Variants in MAP4K4 observed in about 807,000 individuals in gnomAD.
MAP4K4 encodes the protein HPK/GCK-like kinase HGK.
Under a neutral mutation model 189.6 loss-of-function variants are expected in MAP4K4, and 38 were observed. That is an observed-to-expected ratio of 0.20 (90% confidence interval 0.15 to 0.26). MAP4K4 has a LOEUF of 0.26. Ranked by LOEUF, MAP4K4 falls within the 10% of genes least tolerant of loss-of-function variation. MAP4K4 has a pLI of 1.00. For synonymous variants in MAP4K4, 610 were observed against 624.3 expected, an observed-to-expected ratio of 0.98 and a Z score of 0.34; for missense variants, 1,054 against 1,726.9, an observed-to-expected ratio of 0.61 and a Z score of 6.91.
intron 21 of MAP4K4, among the ~76,000 whole-genome samples, chr2:101,868,506 C>T (rs1482064659): frequency 6.6e-6 from 1 of 152,208 alleles, no homozygotes; most frequent in African/African-American, 2.4e-5. Context: ...AAATAGTAAT[C>T]ACTCTTGAAA....
At chr2:101,753,988 T>G (rs2070755160) in intron 2 of MAP4K4, among the ~76,000 whole-genome samples, 1 of 152,122 alleles carries the variant, frequency 6.6e-6, no homozygotes. Context: ...AGTGGCTATT[T>G]CCAGTTAAAG....
chr2:101,887,161 T>C, exon 30 of MAP4K4: 1 of 1,611,034 alleles, frequency 6.2e-7, no homozygotes, highest in Non-Finnish European at 8.5e-7. Context: ...TTGAAAGTGA[T>C]CTATGGATCC....
chr2:101,739,886 C>T (rs1558664055), intron 2 of MAP4K4, among the ~76,000 whole-genome samples: 1 of 152,130 alleles, frequency 6.6e-6, no homozygotes, highest in Non-Finnish European at 1.5e-5. Context: ...CTTTATAAAT[C>T]TTTTGTTAGT....
At chr2:101,747,526 GTAAT>G (rs1256469763) in intron 2 of MAP4K4, among the ~76,000 whole-genome samples, 1 of 152,160 alleles carries the variant, frequency 6.6e-6, no homozygotes, top group African/African-American at 2.4e-5. Flanking sequence ...CAAGGGTGGA[GTAAT>G]TAAAGACTGC....
intron 3 of MAP4K4, among the ~76,000 whole-genome samples, chr2:101,805,065 T>G (rs1177339537): frequency 9.4e-6 from 1 of 106,038 alleles, no homozygotes; most frequent in African/African-American, 4.2e-5. Context: ...AGGGCGAGAC[T>G]CCAGATCAAA....
chr2:101,717,164 A>G (rs534404411), intron 2 of MAP4K4, among the ~76,000 whole-genome samples: 6 of 152,148 alleles, frequency 3.9e-5, no homozygotes, highest in Non-Finnish European at 7.3e-5. Flanking sequence ...TAATTCATGG[A>G]TGGCAACACC....
At chr2:101,755,765 A>G (rs1351211311) in intron 2 of MAP4K4, among the ~76,000 whole-genome samples, 3 of 152,154 alleles carry the variant, frequency 2.0e-5, no homozygotes, top group Admixed American at 2.0e-4. Flanking sequence ...GCCTTGTTAC[A>G]TGGACTTGTC....
chr2:101,871,526 T>G, exon 24 of MAP4K4: 1 of 1,536,064 alleles, frequency 6.5e-7, no homozygotes, highest in Non-Finnish European at 8.7e-7. Flanking sequence ...CCAGCCATCA[T>G]GAGAGCAATG....
chr2:101,736,002 C>G (rs951905685), intron 2 of MAP4K4, among the ~76,000 whole-genome samples: 13 of 152,166 alleles, frequency 8.5e-5, no homozygotes, highest in African/African-American at 3.1e-4. Flanking sequence ...GTTAAACTTT[C>G]CAGATGCCTA....
intron 27 of MAP4K4, among the ~76,000 whole-genome samples, chr2:101,881,243 G>A (rs1450254087): frequency 6.6e-6 from 1 of 152,036 alleles, no homozygotes; most frequent in Non-Finnish European, 1.5e-5. Flanking sequence ...AGTATAAATG[G>A]TGTTGTAGTC....
intron 2 of MAP4K4, among the ~76,000 whole-genome samples, chr2:101,761,776 C>T (rs765301731): frequency 1.6e-4 from 24 of 152,132 alleles, no homozygotes; most frequent in Non-Finnish European, 2.8e-4. Flanking sequence ...AGGCTGGTCT[C>T]GAACTCCTGA....
intron 27 of MAP4K4, among the ~76,000 whole-genome samples, chr2:101,877,515 C>T (rs779667362): frequency 5.5e-5 from 8 of 144,810 alleles, no homozygotes; most frequent in Non-Finnish European, 1.2e-4. Context: ...CTTGCTGTGT[C>T]GCCAGGCTGG....
Position 101,850,387 on chromosome 2 carries a change from GC to G in MAP4K4, c.1234-5588del, listed in dbSNP as rs554558876. ...TCTCAGTAAAAAATTAATAAACTGTGCCATGCATGCATTATGTGTTTCTTGG... is the reference window on the plus strand; with the variant it reads ...TCTCAGTAAAAAATTAATAAACTGTGCATGCATGCATTATGTGTTTCTTGG... On this transcript the variant is annotated intron_variant, in intron 12 of 32. Coordinates refer to ENST00000324219, the Ensembl canonical transcript of MAP4K4. Among the ~76,000 whole-genome samples the G allele has an allele frequency of 1.3e-3, 200 of 152,304 alleles. 1 individual carries two copies. The highest frequency in any genetic ancestry group is 4.7e-3 in the African/African-American group (196 of 41,570).
chr2:101,712,899 A>C (rs902759561), intron 2 of MAP4K4, among the ~76,000 whole-genome samples: 11 of 149,882 alleles, frequency 7.3e-5, no homozygotes, highest in African/African-American at 2.4e-4. Flanking sequence ...TGTTAAACCA[A>C]AATCTTTTTT....
intron 3 of MAP4K4, among the ~76,000 whole-genome samples, chr2:101,816,980 A>C (rs891576217): frequency 1.3e-5 from 2 of 151,170 alleles, no homozygotes; most frequent in African/African-American, 4.8e-5. Context: ...TTGGGGGCCA[A>C]ACTTTTCTAT....
chr2:101,776,702 G>A lies in MAP4K4; in HGVS notation c.124-14018G>A, dbSNP rs141862964. On this transcript the variant is annotated intron_variant, in intron 2 of 32. Coordinates refer to ENST00000324219, the Ensembl canonical transcript of MAP4K4. ...AGCACCTAGAGAGTAGTTTCTGGCT[G>A]TAAACTCAGAGCCAATTGCCTTAAT... Among the ~76,000 whole-genome samples the A allele has an allele frequency of 2.0e-3, 306 of 151,802 alleles. 2 individuals carry two copies. The highest frequency in any genetic ancestry group is 1.7e-3 in the African/African-American group (72 of 41,406).
chr2:101,755,664 C>T (rs1418389503), intron 2 of MAP4K4, among the ~76,000 whole-genome samples: 1 of 152,094 alleles, frequency 6.6e-6, no homozygotes, highest in East Asian at 1.9e-4. Flanking sequence ...TCCGCTCTCC[C>T]TCTGTTCCTC....
intron 2 of MAP4K4, among the ~76,000 whole-genome samples, chr2:101,772,775 C>T (rs1378373567): frequency 6.6e-5 from 10 of 152,154 alleles, no homozygotes; most frequent in Non-Finnish European, 1.2e-4. Flanking sequence ...TATCTTGCCC[C>T]GCGCCTGGGC....
At chr2:101,834,504 T>G (rs371963045) in intron 8 of MAP4K4, 41 bp downstream of exon 8, 18 of 1,509,728 alleles carry the variant, frequency 1.2e-5, no homozygotes, top group Non-Finnish European at 1.6e-5. Flanking sequence ...TTGTTACATG[T>G]GACTTAAACC....
Sources: gnomAD v4.1 joint callset for allele counts (sites outside exome capture counted in the v4.1 genomes callset) on GRCh38, gnomAD v4.1.1 for gene constraint, MANE v1.5 for transcripts, NCBI Gene and HGNC (gene_info 2026-07-23, HGNC 2026-07-21) for gene names.